CD55: variants seen among roughly 807,000 people sequenced by gnomAD.
The protein encoded by CD55 is complement decay-accelerating factor.
In CD55, 41 loss-of-function variants were observed where a neutral mutation model predicts 45.8. The observed-to-expected ratio is 0.90, with a 90% CI of 0.70 to 1.16. CD55 has a LOEUF of 1.16. Ranked by LOEUF, CD55 falls within the 50% of genes most tolerant of loss-of-function variation. CD55 has a pLI of 0.00. For synonymous variants in CD55, 181 were observed against 181.1 expected (o/e 1.00, Z 0.01); for missense variants, 416 against 469.8 (o/e 0.89, Z 1.06).
chr1:207,352,259 G>T (rs1655895181), intron 9 of CD55, among the ~76,000 whole-genome samples: 1 of 150,604 alleles, frequency 6.6e-6, no homozygotes, highest in African/African-American at 2.4e-5. Context: ...GGGGGTGGGG[G>T]GTGCGTTAAT....
intron 7 of CD55, 189 bp downstream of exon 7, chr1:207,337,007 A>T (rs1293312123): frequency 3.0e-6 from 2 of 668,080 alleles, no homozygotes; most frequent in Non-Finnish European, 2.6e-6. Context: ...AAGACACACC[A>T]TAGTAAATGT....
chr1:207,328,550 A>C (rs960343392), intron 5 of CD55, among the ~76,000 whole-genome samples: 2 of 152,244 alleles, frequency 1.3e-5, no homozygotes, highest in Non-Finnish European at 2.9e-5. Flanking sequence ...TACAGAAAAC[A>C]GAGGTGCTGC....
chr1:207,348,344 C>T (rs1268613280), intron 9 of CD55, among the ~76,000 whole-genome samples: 1 of 151,906 alleles, frequency 6.6e-6, no homozygotes, highest in Non-Finnish European at 1.5e-5. Flanking sequence ...TTTTCATATG[C>T]TTGTTGGCCT....
chr1:207,331,684 T>C (rs1485862737), intron 6 of CD55, among the ~76,000 whole-genome samples: 2 of 152,222 alleles, frequency 1.3e-5, no homozygotes, highest in Admixed American at 1.3e-4. Context: ...TCATACCTGT[T>C]GCAACAACTG....
chr1:207,353,877 T>C (rs1225018153), intron 9 of CD55: 1 of 698,244 alleles, frequency 1.4e-6, no homozygotes, highest in Non-Finnish European at 2.2e-6. Flanking sequence ...TACGAAAATC[T>C]CTTCCCAGGG....
At chr1:207,337,642 T>C in intron 8 of CD55, 1 of 378,394 alleles carries the variant, frequency 2.6e-6, no homozygotes, top group Admixed American at 4.7e-5. Context: ...ATTAAAAAAA[T>C]GCTAAATTAA....
At chr1:207,351,530 T>C (rs1164678855) in intron 9 of CD55, among the ~76,000 whole-genome samples, 2 of 152,216 alleles carry the variant, frequency 1.3e-5, no homozygotes, top group Admixed American at 6.5e-5. Flanking sequence ...TGATCCAGTG[T>C]TGGATCTGAA....
intron 9 of CD55, among the ~76,000 whole-genome samples, chr1:207,348,161 G>C (rs28739007): frequency 1.3e-5 from 2 of 152,154 alleles, no homozygotes; most frequent in African/African-American, 4.8e-5. Context: ...TTCCACAGAG[G>C]CTGAACTAAT....
chr1:207,338,172 CCTGT>C (rs1655267801), intron 8 of CD55, among the ~76,000 whole-genome samples: 2 of 152,222 alleles, frequency 1.3e-5, no homozygotes, highest in East Asian at 3.9e-4. Flanking sequence ...GTGCTTACTT[CCTGT>C]CTGTTTTCAT....
chr1:207,350,241 G>A (rs1158564116), intron 9 of CD55: 12 of 363,106 alleles, frequency 3.3e-5, no homozygotes, highest in Non-Finnish European at 4.4e-5. Context: ...GGTATTTGAT[G>A]TGCTGCTGGA....
At chr1:207,327,249 T>C (rs1405010047) in intron 5 of CD55, among the ~76,000 whole-genome samples, 1 of 152,200 alleles carries the variant, frequency 6.6e-6, no homozygotes, top group Admixed American at 6.5e-5. Context: ...ATGGAAGGCA[T>C]TTAACCAGGT....
At position 207,321,779 on chromosome 1, in the gene CD55, GGCCGAGCGTGCCCGCGGCGCT is replaced by G. The variant is rs1274753895; in HGVS notation, c.18_38del (p.Ser7_Pro13del). 1 of 1,519,542 alleles carries G rather than the reference GGCCGAGCGTGCCCGCGGCGCT, an allele frequency of 6.6e-7. No individual in the cohort carries two copies. The highest frequency in any genetic ancestry group is 1.4e-5 in the African/African-American group (1 of 71,194). The allele number at this position is 1,519,542 out of a possible 1,614,324, so 94.1% of individuals were successfully genotyped here. ...ACCCGGCGCGCCATGACCGTCGCGCGGCCGAGCGTGCCCGCGGCGCTGCCCCTCCTCGGGGAGCTGCCCCGG... is the reference window on the plus strand; with the variant it reads ...ACCCGGCGCGCCATGACCGTCGCGCGGCCCCTCCTCGGGGAGCTGCCCCGG... On this transcript the variant is annotated inframe_deletion, in exon 1 of 10. Transcript: ENST00000367064.
At chr1:207,326,616 G>T in intron 4 of CD55, 136 bp from the exon 5 acceptor site, 1 of 664,636 alleles carries the variant, frequency 1.5e-6, no homozygotes, top group Non-Finnish European at 2.6e-6. Flanking sequence ...AAACTACTGT[G>T]TGGACTTTTA....
intron 7 of CD55, 200 bp from the exon 8 acceptor site, chr1:207,337,129 A>G (rs1055006270): frequency 4.9e-6 from 3 of 607,430 alleles, no homozygotes; most frequent in Non-Finnish European, 2.9e-6. Context: ...CCCTATCTAC[A>G]AAGACCCCTT....
At chr1:207,356,774 T>A (rs1303269642) in intron 9 of CD55, among the ~76,000 whole-genome samples, 1 of 152,182 alleles carries the variant, frequency 6.6e-6, no homozygotes, top group Non-Finnish European at 1.5e-5. Flanking sequence ...CACATCAGTA[T>A]TATTTAAAAT....
intron 2 of CD55, among the ~76,000 whole-genome samples, chr1:207,323,927 A>G (rs1654548983): frequency 6.6e-6 from 1 of 152,210 alleles, no homozygotes; most frequent in Admixed American, 6.5e-5. Flanking sequence ...CGCCAAAACC[A>G]AGGTGTAAAC....
At position 207,346,609 on chromosome 1, in the gene CD55, C is replaced by T. The variant is rs200863233; in HGVS notation, c.1081+7192C>T. On this transcript the variant is annotated intron_variant, in intron 9 of 9. Coordinates refer to ENST00000367064, the MANE Select transcript of CD55 (RefSeq NM_000574.5). Reference sequence around the variant, plus strand: ...CCAAAGCAGCCAGCAGCAGCCATAGCCGCATGCACTGGAATTTGTCCTCAG... The same window carrying T: ...CCAAAGCAGCCAGCAGCAGCCATAGTCGCATGCACTGGAATTTGTCCTCAG... Among the ~76,000 whole-genome samples the T allele has an allele frequency of 1.1e-4, 17 of 152,294 alleles. No individual in the cohort carries two copies. In the East Asian group the frequency reaches 1.2e-3, roughly 10 times the overall value.
intron 5 of CD55, 26 bp from the exon 6 acceptor site, chr1:207,331,082 A>G: frequency 6.6e-7 from 1 of 1,517,998 alleles, no homozygotes. Flanking sequence ...TTATTTATTT[A>G]AAAGATGTTG....
chr1:207,344,236 T>C (rs565270298), intron 9 of CD55, among the ~76,000 whole-genome samples: 1 of 152,350 alleles, frequency 6.6e-6, no homozygotes, highest in Admixed American at 6.5e-5. Flanking sequence ...CCTTTTGTTC[T>C]CTCTTATTAT....
Sources: allele counts gnomAD v4.1 joint callset (sites outside exome capture counted in the v4.1 genomes callset), GRCh38; gene constraint gnomAD v4.1.1; transcripts MANE v1.5; gene names NCBI Gene and HGNC (gene_info 2026-07-23, HGNC 2026-07-21).